Variants in ARHGAP24 observed in about 807,000 individuals in gnomAD.
ARHGAP24 encodes the protein Rho GTPase activating protein 24.
A neutral mutation model predicts 76.4 loss-of-function variants in ARHGAP24; 50 were observed. That is an observed-to-expected ratio of 0.65 (90% CI 0.52 to 0.83). The LOEUF (loss-of-function observed/expected upper bound fraction) is 0.83. Among genes scored for constraint, ARHGAP24 ranks in the 40% least tolerant of loss-of-function variants. The probability of loss-of-function intolerance (pLI) is 0.00; values close to 1 mark genes in which losing one functional copy is unlikely to be tolerated. For synonymous variants in ARHGAP24, 345 were observed against 323.3 expected, an observed-to-expected ratio of 1.07 and a Z score of -0.72; for missense variants, 930 against 914.2, an observed-to-expected ratio of 1.02 and a Z score of -0.22.
At chr4:85,691,260 GACCAA>G (rs775534556) in intron 2 of ARHGAP24, among the ~76,000 whole-genome samples, 19 of 152,034 alleles carry the variant, frequency 1.2e-4, no homozygotes, top group South Asian at 4.1e-4. Flanking sequence ...CTTTCTTTAT[GACCAA>G]ACATTTGATC....
Position 85,578,773 on chromosome 4 carries a change from CA to C in ARHGAP24, c.180+8053del, listed in dbSNP as rs1205213442. On this transcript the variant is annotated intron_variant, in intron 2 of 9. Coordinates refer to ENST00000395184, the MANE Select transcript of ARHGAP24 (RefSeq NM_001025616.3). ...CTATCATCATCATCATCATTTGTAC[CA>C]TCTTTGTCCATCAGGATACATTAAC... 5.3e-5 allele frequency among the ~76,000 whole-genome samples: 8 copies of C among 149,582 alleles called. No individual in the cohort carries two copies. In the Admixed American group the frequency reaches 5.4e-4, roughly 10 times the overall value.
intron 2 of ARHGAP24, among the ~76,000 whole-genome samples, chr4:85,718,414 G>C (rs1323309463): frequency 1.3e-5 from 2 of 152,004 alleles, no homozygotes; most frequent in African/African-American, 2.4e-5. Context: ...TAAAAGTATG[G>C]GAGAATTTAT....
At chr4:85,897,218 G>A (rs1454681368) in intron 3 of ARHGAP24, among the ~76,000 whole-genome samples, 1 of 152,052 alleles carries the variant, frequency 6.6e-6, no homozygotes, top group Non-Finnish European at 1.5e-5. Flanking sequence ...CTCAATGCTG[G>A]TGTGAACACT....
intron 3 of ARHGAP24, among the ~76,000 whole-genome samples, chr4:85,875,685 A>G (rs561445379): frequency 2.1e-3 from 283 of 132,288 alleles, no homozygotes; most frequent in African/African-American, 7.8e-3. Context: ...ATATATAAAT[A>G]TTAAAAATAA....
At chr4:85,604,345 A>G (rs938756992) in intron 2 of ARHGAP24, 6 of 152,264 alleles carry the variant, frequency 3.9e-5, no homozygotes, top group African/African-American at 1.4e-4. Context: ...ACAAATCACT[A>G]AAGAATTATC....
chr4:85,880,756 C>G (rs545609194), intron 3 of ARHGAP24, among the ~76,000 whole-genome samples: 9 of 152,268 alleles, frequency 5.9e-5, no homozygotes, highest in Admixed American at 5.9e-4. Flanking sequence ...GTCTCGATCT[C>G]CTGACCTCGT....
chr4:85,994,120 T>C (rs1373017529), intron 8 of ARHGAP24, among the ~76,000 whole-genome samples: 1 of 152,170 alleles, frequency 6.6e-6, no homozygotes, highest in East Asian at 1.9e-4. Flanking sequence ...CACTAAAATA[T>C]CTTGATAGTT....
At chr4:85,624,403 T>A (rs1360850046) in intron 2 of ARHGAP24, among the ~76,000 whole-genome samples, 1 of 152,220 alleles carries the variant, frequency 6.6e-6, no homozygotes, top group African/African-American at 2.4e-5. Context: ...GATTTGTGTA[T>A]GTTGAACCAG....
intron 3 of ARHGAP24, among the ~76,000 whole-genome samples, chr4:85,873,595 T>C (rs1732662368): frequency 6.6e-6 from 1 of 152,174 alleles, no homozygotes; most frequent in Admixed American, 6.5e-5. Flanking sequence ...GCCATGGGTG[T>C]TCAGAATGTT....
At chr4:85,772,649 A>G (rs1263722028) in intron 3 of ARHGAP24, among the ~76,000 whole-genome samples, 1 of 152,196 alleles carries the variant, frequency 6.6e-6, no homozygotes, top group Admixed American at 6.5e-5. Flanking sequence ...CATGAAGATA[A>G]TTAGATTATC....
At chr4:85,725,773 A>G (rs1297557089) in intron 3 of ARHGAP24, among the ~76,000 whole-genome samples, 1 of 152,198 alleles carries the variant, frequency 6.6e-6, no homozygotes. Context: ...CTTTGTGTTT[A>G]TTCAGCAACT....
At chr4:85,485,376 A>T (rs866857055) in intron 1 of ARHGAP24, among the ~76,000 whole-genome samples, 5 of 45,056 alleles carry the variant, frequency 1.1e-4, no homozygotes, top group African/African-American at 1.8e-4. Flanking sequence ...AAAAAAAAAA[A>T]ATATATATAT....
At chr4:85,964,608 A>G (rs1014423289) in intron 5 of ARHGAP24, among the ~76,000 whole-genome samples, 1 of 152,094 alleles carries the variant, frequency 6.6e-6, no homozygotes, top group Admixed American at 6.6e-5. Flanking sequence ...AAGGCAAGTA[A>G]GGTGTCAAAG....
chr4:85,600,714 A>T (rs958279762), intron 2 of ARHGAP24, among the ~76,000 whole-genome samples: 1 of 152,178 alleles, frequency 6.6e-6, no homozygotes, highest in Non-Finnish European at 1.5e-5. Context: ...CTTCTCTTTC[A>T]TGATGTGGTT....
intron 3 of ARHGAP24, among the ~76,000 whole-genome samples, chr4:85,816,714 G>A (rs1729255854): frequency 6.6e-6 from 1 of 152,082 alleles, no homozygotes; most frequent in Non-Finnish European, 1.5e-5. Context: ...TGTAAATAAT[G>A]CTGCAATAAA....
At chr4:85,558,645 G>A (rs1578034507) in intron 1 of ARHGAP24, among the ~76,000 whole-genome samples, 1 of 152,212 alleles carries the variant, frequency 6.6e-6, no homozygotes, top group East Asian at 1.9e-4. Flanking sequence ...GAGCAACTGT[G>A]GTTTAGTGAT....
chr4:85,717,811 G>T (rs1289680361), intron 2 of ARHGAP24, among the ~76,000 whole-genome samples: 2 of 151,948 alleles, frequency 1.3e-5, no homozygotes, highest in Admixed American at 6.6e-5. Context: ...ACACTCATTT[G>T]TTTTAAAATT....
At chr4:85,888,580 A>G (rs1345312709) in intron 3 of ARHGAP24, among the ~76,000 whole-genome samples, 1 of 151,822 alleles carries the variant, frequency 6.6e-6, no homozygotes, top group African/African-American at 2.4e-5. Context: ...ATCTTTTTTT[A>G]TTTACACCAT....
At chr4:85,556,917 G>T (rs949543074) in intron 1 of ARHGAP24, among the ~76,000 whole-genome samples, 2 of 152,144 alleles carry the variant, frequency 1.3e-5, no homozygotes, top group Admixed American at 1.3e-4. Flanking sequence ...AAAGTCCCAG[G>T]TTTGGAGGCC....
Sources: allele counts gnomAD v4.1 joint callset (sites outside exome capture counted in the v4.1 genomes callset), GRCh38; gene constraint gnomAD v4.1.1; transcripts MANE v1.5; gene names NCBI Gene and HGNC (gene_info 2026-07-23, HGNC 2026-07-21).